The following NTM variants were observed in gnomAD, a reference collection of about 807,000 sequenced individuals.
NTM encodes the protein IgLON family member 2.
Under a neutral mutation model 42.1 loss-of-function variants are expected in NTM, and 13 were observed. The observed-to-expected ratio is 0.31, with a 90% CI of 0.20 to 0.49. The LOEUF is 0.49. Among genes scored for constraint, NTM ranks in the 20% least tolerant of loss-of-function variants. The pLI is 0.99. For missense variants in NTM, 373 were observed against 452.8 expected (o/e 0.82, Z 1.60); for synonymous variants, 187 against 179.2 (o/e 1.04, Z -0.35).
Position 132,275,750 on chromosome 11 carries a change from G to A in NTM, c.527-31939G>A, listed in dbSNP as rs866352379. Among the ~76,000 whole-genome samples, 130 of 119,898 alleles carry A rather than the reference G, an allele frequency of 1.1e-3. No individual in the cohort carries two copies. The Middle Eastern group carries it at 0.016, about 15-fold the overall frequency. The allele number at this position is 119,898 out of a possible 152,430, so 78.7% of individuals were successfully genotyped here. A position where few individuals can be genotyped will look rare whatever the true frequency, so the allele number is the denominator to read the frequency against. On this transcript the variant is annotated intron_variant, in intron 4 of 8. Coordinates refer to ENST00000683400, the MANE Select transcript of NTM (RefSeq NM_001352005.2). Reference sequence around the variant, plus strand: ...CGTATATATACGTATATATATATGTGTATATATATATATATGTTATATAAT... The same window carrying A: ...CGTATATATACGTATATATATATGTATATATATATATATATGTTATATAAT...
At chr11:131,565,229 C>T (rs960180636) in intron 1 of NTM, among the ~76,000 whole-genome samples, 2 of 152,190 alleles carry the variant, frequency 1.3e-5, no homozygotes, top group Non-Finnish European at 2.9e-5. Flanking sequence ...GCCTCTCTGT[C>T]CACCTCCAGC....
At chr11:131,544,086 A>G (rs948984301) in intron 1 of NTM, among the ~76,000 whole-genome samples, 1 of 152,182 alleles carries the variant, frequency 6.6e-6, no homozygotes, top group African/African-American at 2.4e-5. Context: ...GGAAAAGACC[A>G]AGATGCATGC....
In NTM at chr11:132,163,619, G is replaced by A. The variant is rs116670666; in HGVS notation, c.400+17105G>A. ...CAGAGCCAGAGTTTGAATTCAGAAAGTCTGACTCTTCACAGCCTCCCTCAA... is the reference window on the plus strand; with the variant it reads ...CAGAGCCAGAGTTTGAATTCAGAAAATCTGACTCTTCACAGCCTCCCTCAA... On this transcript the variant is annotated intron_variant, in intron 3 of 8. Coordinates refer to ENST00000683400, the MANE Select transcript of NTM (RefSeq NM_001352005.2). 5.3e-3 allele frequency among the ~76,000 whole-genome samples: 809 copies of A among 152,290 alleles called. 9 individuals carry two copies. Among genetic ancestry groups the A allele is most frequent in the African/African-American group, 0.018 (756 of 41,578 alleles).
chr11:131,519,534 T>G (rs528150317), intron 1 of NTM, among the ~76,000 whole-genome samples: 145 of 146,224 alleles, frequency 9.9e-4, no homozygotes, highest in African/African-American at 3.0e-3. Flanking sequence ...CCAACCCAAC[T>G]CTTCTTTACT....
At chr11:132,116,373 G>A (rs1566203177) in intron 2 of NTM, among the ~76,000 whole-genome samples, 2 of 152,194 alleles carry the variant, frequency 1.3e-5, no homozygotes, top group South Asian at 2.1e-4. Flanking sequence ...GAAGTGGGGG[G>A]TGATACTTTC....
At chr11:132,267,399 C>T (rs962793713) in intron 4 of NTM, among the ~76,000 whole-genome samples, 1 of 151,950 alleles carries the variant, frequency 6.6e-6, no homozygotes, top group South Asian at 2.1e-4. Flanking sequence ...ATTTACGTAT[C>T]TCCCTCCCTC....
At chr11:132,254,620 C>A (rs2092314161) in intron 4 of NTM, among the ~76,000 whole-genome samples, 1 of 152,088 alleles carries the variant, frequency 6.6e-6, no homozygotes, top group African/African-American at 2.4e-5. Context: ...TTTTTCTTCT[C>A]CAATGTGATC....
At chr11:132,187,933 T>A (rs2078685102) in intron 3 of NTM, among the ~76,000 whole-genome samples, 1 of 152,188 alleles carries the variant, frequency 6.6e-6, no homozygotes, top group Non-Finnish European at 1.5e-5. Flanking sequence ...CTGACTAACA[T>A]GTCTACGTGG....
At chr11:132,106,794 G>A (rs1383560969) in intron 2 of NTM, among the ~76,000 whole-genome samples, 1 of 152,142 alleles carries the variant, frequency 6.6e-6, no homozygotes, top group African/African-American at 2.4e-5. Flanking sequence ...GCAATGCCTC[G>A]GATGTCTTTG....
chr11:132,015,678 A>G (rs190480240), intron 2 of NTM, among the ~76,000 whole-genome samples: 14 of 105,342 alleles, frequency 1.3e-4, no homozygotes, highest in African/African-American at 4.0e-4. Context: ...TTATGCAGCT[A>G]ATGTAAGTGT....
intron 1 of NTM, among the ~76,000 whole-genome samples, chr11:131,799,702 G>C (rs1307639439): frequency 6.6e-6 from 1 of 152,188 alleles, no homozygotes; most frequent in African/African-American, 2.4e-5. Flanking sequence ...CAAGTAGACT[G>C]TCTTCCCCAG....
chr11:131,387,299 T>C (rs1943439959), intron 1 of NTM, among the ~76,000 whole-genome samples: 1 of 151,986 alleles, frequency 6.6e-6, no homozygotes, highest in Non-Finnish European at 1.5e-5. Flanking sequence ...CTTGGAGCTC[T>C]CTCTCTCTCT....
intron 1 of NTM, among the ~76,000 whole-genome samples, chr11:131,486,438 C>G (rs1457712642): frequency 6.6e-6 from 1 of 152,192 alleles, no homozygotes; most frequent in African/African-American, 2.4e-5. Flanking sequence ...GGCCAACTTT[C>G]AATTCATCTC....
intron 2 of NTM, among the ~76,000 whole-genome samples, chr11:132,025,123 G>A (rs1379049617): frequency 6.6e-6 from 1 of 152,190 alleles, no homozygotes; most frequent in East Asian, 1.9e-4. Flanking sequence ...GAGGCTAGAA[G>A]GCTGAGCAGT....
chr11:131,431,590 C>G (rs113543518), intron 1 of NTM, among the ~76,000 whole-genome samples: 1 of 152,194 alleles, frequency 6.6e-6, no homozygotes, highest in Admixed American at 6.5e-5. Flanking sequence ...CAGAGACTCT[C>G]GTGCTCATGA....
At chr11:131,870,570 C>G (rs1565653392) in intron 1 of NTM, among the ~76,000 whole-genome samples, 2 of 152,082 alleles carry the variant, frequency 1.3e-5, no homozygotes, top group East Asian at 3.9e-4. Context: ...TAAGCAGTGC[C>G]CCTTTGTAGC....
intron 2 of NTM, among the ~76,000 whole-genome samples, chr11:131,929,081 GAAGT>G (rs1385363300): frequency 2.6e-5 from 4 of 152,362 alleles, no homozygotes; most frequent in East Asian, 3.9e-4. Flanking sequence ...AGACAATGAA[GAAGT>G]AAGTGGCCGC....
Position 131,488,374 on chromosome 11 carries a change from C to T in NTM, c.82+117486C>T, listed in dbSNP as rs141378414. On this transcript the variant is annotated intron_variant, in intron 1 of 8. Transcript: ENST00000683400. Reference sequence around the variant, plus strand: ...GGCTTTTCAGTTCTCTGGCACAGAACCCTGATCTCTGCACATGATCTTGTG... The same window carrying T: ...GGCTTTTCAGTTCTCTGGCACAGAATCCTGATCTCTGCACATGATCTTGTG... 4.2e-3 allele frequency among the ~76,000 whole-genome samples: 633 copies of T among 152,272 alleles called. 5 individuals are homozygous for T. The highest frequency in any genetic ancestry group is 0.014 in the African/African-American group (595 of 41,544).
intron 1 of NTM, among the ~76,000 whole-genome samples, chr11:131,390,895 G>A (rs1344320660): frequency 6.6e-6 from 1 of 152,128 alleles, no homozygotes; most frequent in African/African-American, 2.4e-5. Context: ...AGAACCACCA[G>A]CAGACCTGGT....
Sources: gnomAD v4.1 joint callset for allele counts (sites outside exome capture counted in the v4.1 genomes callset) on GRCh38, gnomAD v4.1.1 for gene constraint, MANE v1.5 for transcripts, NCBI Gene and HGNC (gene_info 2026-07-23, HGNC 2026-07-21) for gene names.